TCP1: variants seen among roughly 807,000 people sequenced by gnomAD.
TCP1 encodes t-complex 1.
In TCP1, 6 loss-of-function variants were observed where a neutral mutation model predicts 54.7. The ratio of observed to expected loss-of-function variants is 0.11; its 90% CI spans 0.06 to 0.22. TCP1 has a LOEUF of 0.22. TCP1 is among the 10% of genes least tolerant of loss of function. TCP1 has a pLI of 1.00. For synonymous variants in TCP1, 225 were observed against 229.7 expected (o/e 0.98, Z 0.19); for missense variants, 511 against 678.2 (o/e 0.75, Z 2.74).
Position 159,779,987 on chromosome 6 carries a change from TCACTA to T in TCP1, c.1193_1197del (p.Val398GlufsTer25), listed in dbSNP as rs777122530. The stretch of plus-strand genomic sequence containing the variant: ...ACAGATTTTGACTCCAAAACTCTCT[TCACTA>T]CACAAAGTGCATCATGTAAAGAGCG... On this transcript the variant is annotated frameshift_variant, in exon 10 of 12. Coordinates refer to ENST00000321394, the MANE Select transcript of TCP1 (RefSeq NM_030752.3). LOFTEE classifies it high-confidence loss of function. 6.2e-7 allele frequency: 1 copy of T among 1,614,146 alleles called. No homozygotes were observed.
In TCP1 at chr6:159,789,600, A is replaced by C; in HGVS notation, c.-132T>G. The C allele has an allele frequency of 3.7e-6, 4 of 1,074,394 alleles. No homozygotes were observed. Among genetic ancestry groups the C allele is most frequent in the African/African-American group, 1.6e-5 (1 of 63,758 alleles). The allele number at this position is 1,074,394 out of a possible 1,614,324, so 66.6% of individuals were successfully genotyped here. The stretch of plus-strand genomic sequence containing the variant: ...GTACCCGAGCGATGTCCCAGGAGCT[A>C]CTGGGTAACACACCACCCCACCCGC... On this transcript the variant is annotated 5_prime_UTR_variant, in exon 1 of 12. Coordinates refer to ENST00000321394, the MANE Select transcript of TCP1 (RefSeq NM_030752.3).
At position 159,779,003 on chromosome 6, in the gene TCP1, A is replaced by C. The variant is rs773876597; in HGVS notation, c.*42T>G. On this transcript the variant is annotated 3_prime_UTR_variant, in exon 12 of 12. Coordinates refer to ENST00000321394, the MANE Select transcript of TCP1 (RefSeq NM_030752.3). ...TGTAATACTCAACTCAAGGTACAAG[A>C]CAATTGCATTTAACATTGTTATAAA... 16 of 1,594,140 alleles carry C rather than the reference A, an allele frequency of 1.0e-5. No individual in the cohort carries two copies. Among genetic ancestry groups the C allele is most frequent in the Non-Finnish European group, 1.4e-5 (16 of 1,165,680 alleles).
chr6:159,788,199 A>G, intron 1 of TCP1, 56 bp from the exon 2 acceptor site: 1 of 1,536,132 alleles, frequency 6.5e-7, no homozygotes, highest in African/African-American at 1.4e-5. Flanking sequence ...CAACTCTGAA[A>G]GACAGTAATT....
chr6:159,779,559 T>C (rs1780521793), intron 11 of TCP1, 68 bp downstream of exon 11: 7 of 1,517,236 alleles, frequency 4.6e-6, no homozygotes, highest in African/African-American at 2.8e-5. Context: ...TGACATGTAA[T>C]TGACTACTAT....
At position 159,786,078 on chromosome 6, in the gene TCP1, A is replaced by G. The variant is rs2114996463; in HGVS notation, c.280-81T>C. 2.7e-6 allele frequency: 3 copies of G among 1,120,700 alleles called. No homozygotes were observed. The East Asian group carries it at 7.5e-5, about 28-fold the overall frequency. The allele number at this position is 1,120,700 out of a possible 1,614,324, so 69.4% of individuals were successfully genotyped here. A position where few individuals can be genotyped will look rare whatever the true frequency, so the allele number is the denominator to read the frequency against. ...CATATGGAATGACACTAAAATGGCC[A>G]TATATTATTAACCAAAATGGTAGTG... On this transcript the variant is annotated intron_variant, in intron 3 of 11. Transcript: ENST00000321394.
chr6:159,782,466 A>G (rs1456859806), intron 7 of TCP1, among the ~76,000 whole-genome samples: 1 of 152,232 alleles, frequency 6.6e-6, no homozygotes, highest in Non-Finnish European at 1.5e-5. Context: ...GTGTGTTTCT[A>G]CAACAGTCTA....
intron 1 of TCP1, chr6:159,789,124 T>G (rs1011632947): frequency 1.1e-5 from 5 of 456,522 alleles, no homozygotes; most frequent in Non-Finnish European, 2.0e-5. Context: ...GAGGCCCGCT[T>G]TCCCGCGGAG....
intron 2 of TCP1, 89 bp downstream of exon 2, chr6:159,787,969 G>T: frequency 6.2e-7 from 1 of 1,604,456 alleles, no homozygotes; most frequent in Non-Finnish European, 8.5e-7. Context: ...CCAGTACGTG[G>T]ATTCTGATAA....
intron 3 of TCP1, among the ~76,000 whole-genome samples, chr6:159,787,078 T>TAA (rs76955548): frequency 7.5e-6 from 1 of 133,626 alleles, no homozygotes; most frequent in African/African-American, 2.9e-5. Flanking sequence ...CCCTGTCTCT[T>TAA]AAAAAAAAAA....
chr6:159,778,677 G>T lies in TCP1; in HGVS notation c.*368C>A, dbSNP rs373153343. On this transcript the variant is annotated 3_prime_UTR_variant, in exon 12 of 12. Coordinates refer to ENST00000321394, the MANE Select transcript of TCP1 (RefSeq NM_030752.3). ...CCGTTAGGTCAATATTGAAGGAGGG[G>T]CTATAGCCTTGGGCCACCCTCTTGG... is the stretch of plus-strand genomic sequence containing the variant. 5.1e-5 allele frequency: 82 copies of T among 1,614,064 alleles called. No individual in the cohort carries two copies. Among genetic ancestry groups the T allele is most frequent in the Non-Finnish European group, 6.9e-5 (81 of 1,180,028 alleles).
intron 7 of TCP1, among the ~76,000 whole-genome samples, chr6:159,783,520 A>G (rs1780624126): frequency 6.6e-6 from 1 of 151,422 alleles, no homozygotes; most frequent in Non-Finnish European, 1.5e-5. Flanking sequence ...TTGCGATTAC[A>G]GGCATGAGCC....
At position 159,784,042 on chromosome 6, in the gene TCP1, T is replaced by G; in HGVS notation, c.696A>C (p.Ala232=). Residue 232 remains alanine, a synonymous_variant, in exon 7 of 12, where the codon GCA becomes GCC. Transcript: ENST00000321394. ...SQGMPKRIVN[A]KIACLDFSLQ... ...GGCTGAAGTCAAGGCAAGCAATTTT[T>G]GCATTTACGATTCTCTTGGGCATGC... The G allele has an allele frequency of 6.2e-7, 1 of 1,613,924 alleles. No homozygotes were observed. The highest frequency in any genetic ancestry group is 1.1e-5 in the South Asian group (1 of 91,050).
chr6:159,783,446 C>A (rs1780623077), intron 7 of TCP1, among the ~76,000 whole-genome samples: 1 of 133,672 alleles, frequency 7.5e-6, no homozygotes, highest in Admixed American at 8.8e-5. Flanking sequence ...GTGGTACAAT[C>A]ACAGCTCACT....
In TCP1 at chr6:159,779,281, AT is replaced by A. The variant is rs1583136336; in HGVS notation, c.1455-21del. On this transcript the variant is annotated intron_variant, in intron 11 of 11. Coordinates refer to ENST00000321394, the MANE Select transcript of TCP1 (RefSeq NM_030752.3). ...CCAATCCTGCAATTAAGAAAGAATTATTTAACGGCCGCTTACAATTTCATTA... is the reference window on the plus strand; with the variant it reads ...CCAATCCTGCAATTAAGAAAGAATTATTAACGGCCGCTTACAATTTCATTA... 1.3e-6 allele frequency: 2 copies of A among 1,599,652 alleles called. No homozygotes were observed. Among genetic ancestry groups the A allele is most frequent in the East Asian group, 4.5e-5 (2 of 44,780 alleles).
Position 159,779,926 on chromosome 6 carries a change from G to A in TCP1, c.1259C>T (p.Ser420Phe), listed in dbSNP as rs1385283477. Residue 420 changes from serine (S) to phenylalanine (F), a missense_variant, in exon 10 of 12, where the codon TCC becomes TTC. By Grantham distance (155) the Ser-to-Phe change is radical. Around this residue, in one of 5 missense-constraint regions of TCP1, gnomAD observed 88 missense variants for 153.1 expected, o/e 0.57. Transcript: ENST00000321394. ...PGGGAVEAAL[S>F]IYLENYATSM... ...GGTTGCATAGTTTTCAAGGTATATGGAAAGGGCTGCTTCTACAGCACCCCC... is the reference window on the plus strand; with the variant it reads ...GGTTGCATAGTTTTCAAGGTATATGAAAAGGGCTGCTTCTACAGCACCCCC... 3.7e-6 allele frequency: 6 copies of A among 1,613,962 alleles called. No homozygotes were observed. In the Admixed American group the frequency reaches 1.0e-4, roughly 27 times the overall value.
chr6:159,782,067 A>G (rs1554268930), intron 7 of TCP1, among the ~76,000 whole-genome samples: 1 of 152,216 alleles, frequency 6.6e-6, no homozygotes, highest in Non-Finnish European at 1.5e-5. Context: ...AGTAAAATAA[A>G]TAACAAGAGT....
rs532505995 is a variant in TCP1, at chr6:159,784,930, C to A, written c.489-83G>T. ...AAAAATCAAGGGTAATTTCAAGGGA[C>A]TTCCTTTTAGTAATCTAATCTATTA... On this transcript the variant is annotated intron_variant, in intron 5 of 11. Coordinates refer to ENST00000321394, the MANE Select transcript of TCP1 (RefSeq NM_030752.3). 1.7e-5 allele frequency: 23 copies of A among 1,372,516 alleles called. No individual in the cohort carries two copies. In the African/African-American group the frequency reaches 2.5e-4, roughly 15 times the overall value. 85.0% of individuals were successfully genotyped at this position (1,372,516 alleles called of 1,614,324 possible). A position where few individuals can be genotyped will look rare whatever the true frequency, so the allele number is the denominator to read the frequency against.
intron 5 of TCP1, 106 bp downstream of exon 5, chr6:159,785,277 CCTA>C: frequency 1.2e-6 from 1 of 832,578 alleles, no homozygotes; most frequent in Non-Finnish European, 2.0e-6. Context: ...AATTAATACT[CCTA>C]CCTCAGCCTC....
intron 1 of TCP1, 139 bp downstream of exon 1, chr6:159,789,266 G>T: frequency 1.1e-6 from 1 of 925,470 alleles, no homozygotes; most frequent in Non-Finnish European, 1.6e-6. Flanking sequence ...AGAACGGCGG[G>T]TGGGCTGGGT....
Sources: allele counts gnomAD v4.1 joint callset (sites outside exome capture counted in the v4.1 genomes callset), GRCh38; gene constraint gnomAD v4.1.1; regional missense constraint gnomAD v4.1.1; transcripts MANE v1.5; gene names NCBI Gene and HGNC (gene_info 2026-07-23, HGNC 2026-07-21).